FOXN2: variants seen among roughly 807,000 people sequenced by gnomAD.
FOXN2 encodes the protein forkhead box protein N2.
A neutral mutation model predicts 41.2 loss-of-function variants in FOXN2; 19 were observed. The observed-to-expected ratio is 0.46, with a 90% CI of 0.32 to 0.68. The LOEUF is 0.68. Ranked by LOEUF, FOXN2 falls within the 30% of genes least tolerant of loss-of-function variation. The pLI is 0.03. For missense variants in FOXN2, 587 were observed against 509.4 expected (o/e 1.15, Z -1.47); for synonymous variants, 195 against 176.8 (o/e 1.10, Z -0.82).
At chr2:48,339,259 T>G (rs1670576886) in intron 2 of FOXN2, among the ~76,000 whole-genome samples, 1 of 152,172 alleles carries the variant, frequency 6.6e-6, no homozygotes, top group Non-Finnish European at 1.5e-5. Context: ...CACCCAGATC[T>G]CATCTTTAAT....
chr2:48,320,472 G>C (rs1254520237), intron 1 of FOXN2, among the ~76,000 whole-genome samples: 1 of 151,986 alleles, frequency 6.6e-6, no homozygotes, highest in African/African-American at 2.4e-5. Flanking sequence ...TGTATTTTTA[G>C]TAGAGACAAG....
chr2:48,334,420 T>A (rs1390645760), intron 2 of FOXN2, among the ~76,000 whole-genome samples: 1 of 151,970 alleles, frequency 6.6e-6, no homozygotes, highest in East Asian at 1.9e-4. Context: ...ACATAAGAAA[T>A]TATGTGCTAA....
At chr2:48,364,522 A>G (rs1242878319) in intron 5 of FOXN2, among the ~76,000 whole-genome samples, 1 of 152,208 alleles carries the variant, frequency 6.6e-6, no homozygotes, top group African/African-American at 2.4e-5. Flanking sequence ...TCCAGATACT[A>G]GATTCACACT....
chr2:48,333,118 C>T (rs1670118506), intron 2 of FOXN2, among the ~76,000 whole-genome samples: 1 of 152,042 alleles, frequency 6.6e-6, no homozygotes, highest in African/African-American at 2.4e-5. Flanking sequence ...AGGAAGAAGG[C>T]TTTCATTTTA....
chr2:48,362,560 G>T, intron 4 of FOXN2, 83 bp from the exon 5 acceptor site: 1 of 1,215,916 alleles, frequency 8.2e-7, no homozygotes, highest in South Asian at 1.3e-5. Context: ...CCAGCAGAGT[G>T]AGAGAGAACC....
chr2:48,332,001 T>C (rs1371499255), intron 2 of FOXN2, among the ~76,000 whole-genome samples: 5 of 152,152 alleles, frequency 3.3e-5, no homozygotes, highest in African/African-American at 7.2e-5. Flanking sequence ...AAAAGTATTA[T>C]CTCAAAAATG....
intron 5 of FOXN2, among the ~76,000 whole-genome samples, chr2:48,363,204 G>T (rs1672308136): frequency 6.6e-6 from 1 of 152,092 alleles, no homozygotes; most frequent in Admixed American, 6.6e-5. Flanking sequence ...TATTGATCTT[G>T]ACCCTGTGTA....
intron 2 of FOXN2, among the ~76,000 whole-genome samples, chr2:48,332,131 T>C (rs949645830): frequency 6.6e-6 from 1 of 152,204 alleles, no homozygotes; most frequent in African/African-American, 2.4e-5. Flanking sequence ...TGTCCTGTTT[T>C]CATGATGCCA....
Position 48,328,197 on chromosome 2 carries a change from C to A in FOXN2, c.-156-364C>A, listed in dbSNP as rs922251946. Among the ~76,000 whole-genome samples the A allele has an allele frequency of 2.0e-5, 3 of 152,140 alleles. No homozygotes were observed. The East Asian group carries it at 5.8e-4, about 29-fold the overall frequency. On this transcript the variant is annotated intron_variant, in intron 1 of 6. Coordinates refer to ENST00000340553, the MANE Select transcript of FOXN2 (RefSeq NM_002158.4). ...AACCAGATTTGTCCTTTAGGACTTT[C>A]GCTCTGTTGACTTTTTAAGTTTCTA... is the stretch of plus-strand genomic sequence containing the variant.
intron 3 of FOXN2, among the ~76,000 whole-genome samples, chr2:48,356,180 G>A (rs771156377): frequency 7.9e-5 from 12 of 152,202 alleles, no homozygotes; most frequent in Middle Eastern, 3.4e-3. Context: ...GGTGGCTCAC[G>A]CCTGTAATCC....
rs368561072 is a variant in FOXN2 at position 48,346,690 on chromosome 2, C to G, written c.476C>G (p.Ser159Cys). Residue 159 changes from serine to cysteine, a missense_variant, in exon 3 of 7, where the codon TCT becomes TGT. Ser to Cys is a moderately radical substitution (Grantham distance 112). Coordinates refer to ENST00000340553, the MANE Select transcript of FOXN2 (RefSeq NM_002158.4). Reference protein sequence around the residue: ...FATAPTGWKNSVRHNLSLNKC... With the variant: ...FATAPTGWKNCVRHNLSLNKC... ...ACTGCACCAACAGGCTGGAAGAATTCTGTTCGACATAATCTGTCCCTGAAT... is the reference window on the plus strand; with the variant it reads ...ACTGCACCAACAGGCTGGAAGAATTGTGTTCGACATAATCTGTCCCTGAAT... The G allele has an allele frequency of 1.6e-5, 25 of 1,612,174 alleles. 1 individual carries two copies. The Admixed American group carries it at 2.0e-4, about 13-fold the overall frequency.
chr2:48,322,137 G>A (rs111455108), intron 1 of FOXN2, among the ~76,000 whole-genome samples: 4,747 of 152,142 alleles, frequency 0.031, 233 homozygotes, highest in African/African-American at 0.11. Flanking sequence ...TAGTAGAGAT[G>A]GGGTTTCACC....
chr2:48,368,472 C>A (rs1672673259), intron 5 of FOXN2, among the ~76,000 whole-genome samples: 1 of 152,240 alleles, frequency 6.6e-6, no homozygotes, highest in African/African-American at 2.4e-5. Context: ...CAAGACCAGC[C>A]TGGGCAACAT....
At chr2:48,368,467 C>G (rs1367244529) in intron 5 of FOXN2, among the ~76,000 whole-genome samples, 1 of 152,076 alleles carries the variant, frequency 6.6e-6, no homozygotes, top group African/African-American at 2.4e-5. Flanking sequence ...GAGTTCAAGA[C>G]CAGCCTGGGC....
chr2:48,323,971 A>G (rs1029576832), intron 1 of FOXN2, among the ~76,000 whole-genome samples: 3 of 152,110 alleles, frequency 2.0e-5, no homozygotes, highest in Non-Finnish European at 2.9e-5. Context: ...TTTTTATACA[A>G]ATGAATTTAC....
intron 2 of FOXN2, among the ~76,000 whole-genome samples, chr2:48,336,457 G>A (rs556896940): frequency 4.5e-4 from 67 of 149,132 alleles, no homozygotes; most frequent in East Asian, 5.8e-4. Flanking sequence ...GTGTGTGTGT[G>A]TATATATATT....
Position 48,375,262 on chromosome 2 carries a change from G to A in FOXN2, c.1115G>A (p.Cys372Tyr), listed in dbSNP as rs748349616. ...GACAGTGGCTATGCATCACAGCCTTGTGCAAAAATCTCTGAAAAAGGGCAG... is the reference window on the plus strand; with the variant it reads ...GACAGTGGCTATGCATCACAGCCTTATGCAAAAATCTCTGAAAAAGGGCAG... ...LGDSGYASQPCAKISEKGQSG... is the reference protein window; with the variant it reads ...LGDSGYASQPYAKISEKGQSG... Residue 372 changes from cysteine to tyrosine, a missense_variant, in exon 7 of 7, where the codon TGT becomes TAT. By Grantham distance (194) the Cys-to-Tyr change is radical (BLOSUM62 -2). Transcript: ENST00000340553. 3.5e-5 allele frequency: 57 copies of A among 1,613,918 alleles called. No homozygotes were observed. The highest frequency in any genetic ancestry group is 4.6e-5 in the Non-Finnish European group (54 of 1,180,008).
At chr2:48,347,690 A>C (rs1671203043) in intron 3 of FOXN2, among the ~76,000 whole-genome samples, 1 of 152,184 alleles carries the variant, frequency 6.6e-6, no homozygotes, top group Admixed American at 6.5e-5. Flanking sequence ...CATTTCACGT[A>C]ACTGGCTCTT....
chr2:48,369,758 TA>T (rs1672765224), intron 5 of FOXN2, among the ~76,000 whole-genome samples: 1 of 152,152 alleles, frequency 6.6e-6, no homozygotes, highest in African/African-American at 2.4e-5. Flanking sequence ...CTCACACCTG[TA>T]ATCCCAGCAC....
Sources: allele counts gnomAD v4.1 joint callset (sites outside exome capture counted in the v4.1 genomes callset), GRCh38; gene constraint gnomAD v4.1.1; transcripts MANE v1.5; gene names NCBI Gene and HGNC (gene_info 2026-07-23, HGNC 2026-07-21).